Variants in NCR3LG1 observed in about 807,000 individuals in gnomAD.
The protein encoded by NCR3LG1 is natural killer cell cytotoxicity receptor 3 ligand 1, also known as natural cytotoxicity triggering receptor 3 ligand 1.
NCR3LG1 carries 35 observed loss-of-function variants against 34.8 expected under a neutral mutation model. The observed-to-expected ratio is 1.01, with a 90% CI of 0.77 to 1.33. The LOEUF (loss-of-function observed/expected upper bound fraction) is 1.33. NCR3LG1 is among the 40% of genes most tolerant of loss of function. NCR3LG1 has a pLI of 0.00. For synonymous variants in NCR3LG1, 173 were observed against 163.6 expected (o/e 1.06, Z -0.44); for missense variants, 452 against 423.3 (o/e 1.07, Z -0.60).
chr11:17,370,774 C>G (rs1437715270), intron 4 of NCR3LG1, among the ~76,000 whole-genome samples: 1 of 152,254 alleles, frequency 6.6e-6, no homozygotes, highest in Non-Finnish European at 1.5e-5. Flanking sequence ...GGCACCAGGA[C>G]TTCCAGACTT....
chr11:17,372,107 CT>C lies in NCR3LG1; in HGVS notation c.964del (p.Cys322AlafsTer30). 1.4e-6 allele frequency: 1 copy of C among 703,022 alleles called. No homozygotes were observed. Among genetic ancestry groups the C allele is most frequent in the South Asian group, 1.5e-5 (1 of 67,600 alleles). The allele number at this position is 703,022 out of a possible 1,614,324, so 43.5% of individuals were successfully genotyped here. On this transcript the variant is annotated frameshift_variant, in exon 5 of 5. Coordinates refer to ENST00000338965, the MANE Select transcript of NCR3LG1 (RefSeq NM_001202439.3). LOFTEE classifies it high-confidence loss of function. ...CTCTGAAGAAAGAGCACCTCATATTCTTTTGCACTCGGGCATGGCCGTCTTA... is the reference window on the plus strand; with the variant it reads ...CTCTGAAGAAAGAGCACCTCATATTCTTTGCACTCGGGCATGGCCGTCTTA... ...QTLKKEHLIF[F>X]CTRAWPSYQL...
intron 2 of NCR3LG1, among the ~76,000 whole-genome samples, chr11:17,361,318 C>T (rs1208269682): frequency 2.7e-5 from 4 of 148,900 alleles, no homozygotes; most frequent in East Asian, 2.0e-4. Context: ...GACAGAGTCT[C>T]GCTGTGTTGC....
At chr11:17,380,137 A>T (rs1953506152), downstream of NCR3LG1, among the ~76,000 whole-genome samples, 2 of 152,208 alleles carry the variant, frequency 1.3e-5, no homozygotes, top group African/African-American at 4.8e-5. Flanking sequence ...AGTGTATATT[A>T]GGTGCTAGAA....
chr11:17,378,719 C>T (rs150109382), downstream of NCR3LG1, among the ~76,000 whole-genome samples: 103 of 152,306 alleles, frequency 6.8e-4, no homozygotes, highest in African/African-American at 2.4e-3. Context: ...ACCAGTCAGA[C>T]AGGCAGTTAG....
chr11:17,357,373 T>C (rs1953222603), intron 2 of NCR3LG1, among the ~76,000 whole-genome samples: 1 of 152,186 alleles, frequency 6.6e-6, no homozygotes, highest in African/African-American at 2.4e-5. Context: ...ACCAATCATA[T>C]TGGATCAGAG....
intron 1 of NCR3LG1, among the ~76,000 whole-genome samples, chr11:17,352,879 A>G (rs982985822): frequency 6.6e-6 from 1 of 152,096 alleles, no homozygotes; most frequent in Non-Finnish European, 1.5e-5. Flanking sequence ...ACGCGTATGT[A>G]GAGATATTTA....
chr11:17,362,972 G>A (rs2133351650), intron 2 of NCR3LG1, among the ~76,000 whole-genome samples: 1 of 143,566 alleles, frequency 7.0e-6, no homozygotes, highest in South Asian at 2.3e-4. Flanking sequence ...CCAGGCTGGA[G>A]TGCAGTGGTG....
downstream of NCR3LG1, among the ~76,000 whole-genome samples, chr11:17,378,111 C>T (rs1953492682): frequency 1.3e-5 from 2 of 152,042 alleles, no homozygotes; most frequent in Non-Finnish European, 2.9e-5. Context: ...CAGTAGGAGC[C>T]ATAGAAGCAC....
intron 4 of NCR3LG1, among the ~76,000 whole-genome samples, chr11:17,371,228 T>C (rs1591686674): frequency 6.6e-6 from 1 of 152,178 alleles, no homozygotes; most frequent in African/African-American, 2.4e-5. Context: ...TTCTGACCTC[T>C]GCTTGGAAAG....
chr11:17,365,156 G>A (rs768470902), intron 2 of NCR3LG1, among the ~76,000 whole-genome samples: 1 of 152,184 alleles, frequency 6.6e-6, no homozygotes, highest in Non-Finnish European at 1.5e-5. Context: ...GAGATATTAT[G>A]TATCAGGTAA....
Position 17,354,545 on chromosome 11 carries a change from CTTTTTTTTTTT to C in NCR3LG1, c.71-2088_71-2078del, listed in dbSNP as rs71047545. On this transcript the variant is annotated intron_variant, in intron 1 of 4. Coordinates refer to ENST00000338965, the MANE Select transcript of NCR3LG1 (RefSeq NM_001202439.3). ...TCCCTCCGACCCCCCAATTCTTCTT[CTTTTTTTTTTT>C]TTTTTTTTTTTTTTTTTGGTAGTCA... Among the ~76,000 whole-genome samples the C allele has an allele frequency of 2.8e-3, 200 of 70,344 alleles. 1 individual carries two copies. The highest frequency in any genetic ancestry group is 5.6e-3 in the African/African-American group (147 of 26,050). 46.1% of individuals were successfully genotyped at this position (70,344 alleles called of 152,430 possible).
chr11:17,371,095 T>G (rs1032541189), intron 4 of NCR3LG1, among the ~76,000 whole-genome samples: 2 of 152,208 alleles, frequency 1.3e-5, no homozygotes, highest in African/African-American at 4.8e-5. Context: ...CAGGTTGTTT[T>G]TCCTTCATGT....
intron 2 of NCR3LG1, among the ~76,000 whole-genome samples, chr11:17,366,229 T>C (rs1953342887): frequency 6.6e-6 from 1 of 152,208 alleles, no homozygotes; most frequent in Admixed American, 6.5e-5. Flanking sequence ...TCTGCCATCT[T>C]CAGTATGTAT....
intron 1 of NCR3LG1, among the ~76,000 whole-genome samples, chr11:17,354,039 C>T (rs1217646563): frequency 1.3e-5 from 2 of 152,054 alleles, no homozygotes; most frequent in Non-Finnish European, 2.9e-5. Context: ...AGATTCTAGC[C>T]CGTCTTTGTA....
intron 1 of NCR3LG1, among the ~76,000 whole-genome samples, chr11:17,356,193 A>G (rs1379005762): frequency 7.2e-6 from 1 of 139,042 alleles, no homozygotes; most frequent in African/African-American, 2.8e-5. Context: ...GCTGGAGTGC[A>G]GTGGCATGAT....
intron 3 of NCR3LG1, among the ~76,000 whole-genome samples, chr11:17,368,114 G>A (rs775954163): frequency 6.6e-6 from 1 of 152,098 alleles, no homozygotes; most frequent in Non-Finnish European, 1.5e-5. Flanking sequence ...CACAGCACCC[G>A]GCCAGTAGTC....
intron 1 of NCR3LG1, 45 bp from the exon 2 acceptor site, chr11:17,356,606 T>C: frequency 7.3e-7 from 1 of 1,370,218 alleles, no homozygotes; most frequent in Non-Finnish European, 9.9e-7. Flanking sequence ...CAAAAAGATG[T>C]TCATACATTG....
Position 17,353,764 on chromosome 11 carries a change from A to G in NCR3LG1, c.70+1725A>G, listed in dbSNP as rs1188282630. Among the ~76,000 whole-genome samples, 4 of 152,348 alleles carry G rather than the reference A, an allele frequency of 2.6e-5. No homozygotes were observed. The East Asian group carries it at 7.7e-4, about 29-fold the overall frequency. On this transcript the variant is annotated intron_variant, in intron 1 of 4. Transcript: ENST00000338965. ...GAAGCTAGTTCCGGCTCGTCCAGCC[A>G]CGAGGAGCGCGGCGGCGGCTGCATG...
chr11:17,364,557 T>C (rs1953323671), intron 2 of NCR3LG1, among the ~76,000 whole-genome samples: 1 of 151,474 alleles, frequency 6.6e-6, no homozygotes, highest in Non-Finnish European at 1.5e-5. Flanking sequence ...AGTTTCTTTT[T>C]TTTTTTGAGA....
Sources: gnomAD v4.1 joint callset for allele counts (sites outside exome capture counted in the v4.1 genomes callset) on GRCh38, gnomAD v4.1.1 for gene constraint, MANE v1.5 for transcripts, NCBI Gene and HGNC (gene_info 2026-07-23, HGNC 2026-07-21) for gene names.